Variants in SKI observed in about 807,000 individuals in gnomAD.
The protein encoded by SKI is ski oncogene.
A neutral mutation model predicts 59.3 loss-of-function variants in SKI; 23 were observed. The observed-to-expected ratio is 0.39, with a 90% CI of 0.28 to 0.55. SKI has a LOEUF of 0.55. Ranked by LOEUF, SKI falls within the 20% of genes least tolerant of loss-of-function variation. The probability of loss-of-function intolerance (pLI) is 0.67; values close to 1 mark genes in which losing one functional copy is unlikely to be tolerated. For synonymous variants in SKI, 673 were observed against 488.6 expected (o/e 1.38, Z -4.98); for missense variants, 1,017 against 1,038.9 (o/e 0.98, Z 0.29).
Position 2,229,818 on chromosome 1 carries a change from G to A in SKI, c.969+83G>A. 1 of 1,545,210 alleles carries A rather than the reference G, an allele frequency of 6.5e-7. No homozygotes were observed. The highest frequency in any genetic ancestry group is 2.4e-5 in the East Asian group (1 of 40,826). ...TGGACTACAGGCTCTGGTCTCCGAAGGCTGGGACCTGTGCTTCTGCCGTGC... is the reference window on the plus strand; with the variant it reads ...TGGACTACAGGCTCTGGTCTCCGAAAGCTGGGACCTGTGCTTCTGCCGTGC... On this transcript the variant is annotated intron_variant, in intron 1 of 6. Transcript: ENST00000378536. The surrounding 1 kb of genome is among the most constrained non-coding windows in gnomAD (Gnocchi z 6.3).
intron 1 of SKI, among the ~76,000 whole-genome samples, chr1:2,295,826 C>A (rs1252667351): frequency 6.6e-6 from 1 of 152,198 alleles, no homozygotes; most frequent in Non-Finnish European, 1.5e-5. Context: ...CTGCACAGAC[C>A]ACAATCTATC....
At position 2,267,407 on chromosome 1, in the gene SKI, TCGGGCCG is replaced by T. The variant is rs1182441726; in HGVS notation, c.970-35570_970-35564del. Among the ~76,000 whole-genome samples the T allele has an allele frequency of 6.6e-6, 1 of 152,138 alleles. No homozygotes were observed. Among genetic ancestry groups the T allele is most frequent in the African/African-American group, 2.4e-5 (1 of 41,406 alleles). ...GGAAGGGGTGTGTTGACAGGGCCGT[TCGGGCCG>T]GAGCAGGTGCGACAGGAATGTCCCA... On this transcript the variant is annotated intron_variant, in intron 1 of 6. Coordinates refer to ENST00000378536, the MANE Select transcript of SKI (RefSeq NM_003036.4). The surrounding 1 kb of genome is among the most constrained non-coding windows in gnomAD (Gnocchi z 4.1).
At chr1:2,287,057 G>A (rs899083216) in intron 1 of SKI, among the ~76,000 whole-genome samples, 3 of 152,162 alleles carry the variant, frequency 2.0e-5, no homozygotes, top group Non-Finnish European at 4.4e-5. Flanking sequence ...TCCCAGACCC[G>A]GTGGTCCAGC....
chr1:2,305,689 A>G (rs745483283), intron 5 of SKI, among the ~76,000 whole-genome samples: 7 of 152,052 alleles, frequency 4.6e-5, no homozygotes, highest in Non-Finnish European at 1.0e-4. Flanking sequence ...CCTCACATTG[A>G]TGGGAGCCAG....
intron 1 of SKI, among the ~76,000 whole-genome samples, chr1:2,280,472 C>T (rs1045975181): frequency 1.8e-4 from 27 of 152,188 alleles, no homozygotes; most frequent in African/African-American, 4.6e-4. Flanking sequence ...GTGCAGTGAC[C>T]GGACATTAAA....
Position 2,268,789 on chromosome 1 carries a change from G to A in SKI, c.970-34189G>A, listed in dbSNP as rs1639552994. 6.6e-6 allele frequency among the ~76,000 whole-genome samples: 1 copy of A among 152,182 alleles called. No homozygotes were observed. Among genetic ancestry groups the A allele is most frequent in the Non-Finnish European group, 1.5e-5 (1 of 68,034 alleles). On this transcript the variant is annotated intron_variant, in intron 1 of 6. Coordinates refer to ENST00000378536, the MANE Select transcript of SKI (RefSeq NM_003036.4). This position sits in a 1 kb window ranked among gnomAD's most constrained non-coding sequence, Gnocchi z 5.0. ...GTGGGGACTGGTGGGGACAGCGACT[G>A]TGCCTTCTGGCCCCACCCAGAGAGC...
At chr1:2,238,333 G>C (rs1638795560) in intron 1 of SKI, among the ~76,000 whole-genome samples, 1 of 152,216 alleles carries the variant, frequency 6.6e-6, no homozygotes, top group Non-Finnish European at 1.5e-5. Context: ...GCCAAGCTGG[G>C]CCTCTGCATC....
rs1307647113 is a variant in SKI at position 2,262,689 on chromosome 1, A to C, written c.969+32954A>C. Among the ~76,000 whole-genome samples, 3 of 151,876 alleles carry C rather than the reference A, an allele frequency of 2.0e-5. No homozygotes were observed. In the East Asian group the frequency reaches 5.8e-4, roughly 29 times the overall value. On this transcript the variant is annotated intron_variant, in intron 1 of 6. Coordinates refer to ENST00000378536, the MANE Select transcript of SKI (RefSeq NM_003036.4). ...AGGAAGTCCCCAGAATACGGTTCCT[A>C]GTTTGATCAGGAAGGATATTGGGTT... is the stretch of plus-strand genomic sequence containing the variant.
At chr1:2,256,915 C>T (rs962793225) in intron 1 of SKI, among the ~76,000 whole-genome samples, 22 of 152,192 alleles carry the variant, frequency 1.4e-4, no homozygotes, top group Non-Finnish European at 2.4e-4. Flanking sequence ...GCTCGCGCCC[C>T]GATCTTCGGG....
rs1252944334 is a variant in SKI at position 2,308,159 on chromosome 1, TAAG to T, written c.*1399_*1401del. On this transcript the variant is annotated 3_prime_UTR_variant, in exon 7 of 7. Transcript: ENST00000378536. ...CCTACAGTTACGGTATTTATTTACATAAGAAGATCTTACAGGAGTTCTTTGCTT... is the reference window on the plus strand; with the variant it reads ...CCTACAGTTACGGTATTTATTTACATAAGATCTTACAGGAGTTCTTTGCTT... 9 of 152,232 alleles carry T rather than the reference TAAG, an allele frequency of 5.9e-5. No homozygotes were observed. The highest frequency in any genetic ancestry group is 4.1e-4 in the South Asian group (2 of 4,834). The allele number at this position is 152,232 out of a possible 1,614,324, so 9.4% of individuals were successfully genotyped here. A position where few individuals can be genotyped will look rare whatever the true frequency, so the allele number is the denominator to read the frequency against.
intron 1 of SKI, among the ~76,000 whole-genome samples, chr1:2,234,064 C>T (rs1452329891): frequency 3.3e-5 from 5 of 152,302 alleles, no homozygotes; most frequent in Non-Finnish European, 5.9e-5. Context: ...GGGTCAGGCT[C>T]CCGGCAGGCC....
At chr1:2,258,261 G>A (rs896973292) in intron 1 of SKI, among the ~76,000 whole-genome samples, 38 of 152,116 alleles carry the variant, frequency 2.5e-4, no homozygotes, top group African/African-American at 8.5e-4. Flanking sequence ...CCTTAAACCC[G>A]TATGTTCGGT....
At position 2,280,692 on chromosome 1, in the gene SKI, G is replaced by A. The variant is rs1424111492; in HGVS notation, c.970-22286G>A. Among the ~76,000 whole-genome samples, 32 of 42,868 alleles carry A rather than the reference G, an allele frequency of 7.5e-4. 1 individual carries two copies. The highest frequency in any genetic ancestry group is 9.8e-4 in the Non-Finnish European group (22 of 22,518). The allele number at this position is 42,868 out of a possible 152,430, so 28.1% of individuals were successfully genotyped here. On this transcript the variant is annotated intron_variant, in intron 1 of 6. Transcript: ENST00000378536. ...GCGGCGGCGGCGATCTTCAGAGAGA[G>A]GACGCCCGAGAAGACAGGCGGCGGC...
At chr1:2,235,354 G>T (rs184961031) in intron 1 of SKI, among the ~76,000 whole-genome samples, 1 of 152,160 alleles carries the variant, frequency 6.6e-6, no homozygotes, top group Non-Finnish European at 1.5e-5. Flanking sequence ...CCTGGAGTGG[G>T]TTCTGCCACG....
intron 1 of SKI, among the ~76,000 whole-genome samples, chr1:2,275,638 A>G (rs150222556): frequency 3.9e-5 from 6 of 151,976 alleles, no homozygotes; most frequent in Non-Finnish European, 8.8e-5. Context: ...TCAGCCTCCC[A>G]AGTAGCTGGG....
Position 2,289,896 on chromosome 1 carries a change from G to T in SKI, c.970-13082G>T, listed in dbSNP as rs909345448. Among the ~76,000 whole-genome samples the T allele has an allele frequency of 1.2e-4, 18 of 152,218 alleles. No individual in the cohort carries two copies. The East Asian group carries it at 2.9e-3, about 25-fold the overall frequency. ...AGAGGGAAGGGGTGGCCTGGCCAGG[G>T]TGAGCATGGGGTGCTTGCCACTCCA... On this transcript the variant is annotated intron_variant, in intron 1 of 6. Coordinates refer to ENST00000378536, the MANE Select transcript of SKI (RefSeq NM_003036.4).
Position 2,303,172 on chromosome 1 carries a change from G to GGCT in SKI, c.1095+71_1095+73dup. 2 of 1,607,058 alleles carry GGCT rather than the reference G, an allele frequency of 1.2e-6. No individual in the cohort carries two copies. The highest frequency in any genetic ancestry group is 1.7e-6 in the Non-Finnish European group (2 of 1,175,774). ...GCCCTTCTCCTTGGGCAGACCCAGC[G>GGCT]GCTGGCAGCTCCACCTGCCCGCTAC... is the stretch of plus-strand genomic sequence containing the variant. On this transcript the variant is annotated intron_variant, in intron 2 of 6. Transcript: ENST00000378536. This position sits in a 1 kb window ranked among gnomAD's most constrained non-coding sequence, Gnocchi z 5.6.
At chr1:2,239,598 C>A (rs1361680597) in intron 1 of SKI, among the ~76,000 whole-genome samples, 3 of 152,262 alleles carry the variant, frequency 2.0e-5, no homozygotes, top group Admixed American at 2.0e-4. Flanking sequence ...GTGCCGGGGA[C>A]CCGCAAGGTG....
rs563960146 is a variant in SKI, at chr1:2,283,351, G to C, written c.970-19627G>C. Among the ~76,000 whole-genome samples, 170 of 103,502 alleles carry C rather than the reference G, an allele frequency of 1.6e-3. 2 individuals are homozygous for C. The highest frequency in any genetic ancestry group is 6.8e-3 in the East Asian group (24 of 3,520). The allele number at this position is 103,502 out of a possible 152,430, so 67.9% of individuals were successfully genotyped here. On this transcript the variant is annotated intron_variant, in intron 1 of 6. Coordinates refer to ENST00000378536, the MANE Select transcript of SKI (RefSeq NM_003036.4). ...ACAGGGCAAGGACTCAGAGCCTCAG[G>C]GGGGGGAGGGCAGGGCCTCCTGAGG... is the stretch of plus-strand genomic sequence containing the variant.
Sources: allele counts gnomAD v4.1 joint callset (sites outside exome capture counted in the v4.1 genomes callset), GRCh38; gene constraint gnomAD v4.1.1; non-coding constraint Gnocchi (gnomAD v3.1); transcripts MANE v1.5; gene names NCBI Gene and HGNC (gene_info 2026-07-23, HGNC 2026-07-21).